Variants in PAK5 observed in about 807,000 individuals in gnomAD.
PAK5 encodes serine/threonine-protein kinase PAK 5.
Under a neutral mutation model 65.9 loss-of-function variants are expected in PAK5, and 16 were observed. The observed-to-expected ratio is 0.24, with a 90% confidence interval of 0.16 to 0.37. The LOEUF (loss-of-function observed/expected upper bound fraction) is 0.37, where lower values mean the gene tolerates loss of function less well. Among genes scored for constraint, PAK5 ranks in the 10% least tolerant of loss-of-function variants. The pLI, the probability that PAK5 is intolerant of heterozygous loss-of-function variation, is 1.00. For missense variants in PAK5, 785 were observed against 903.9 expected (o/e 0.87, Z 1.69); for synonymous variants, 371 against 354.9 (o/e 1.05, Z -0.51).
rs145638686 is a variant in PAK5 at position 9,593,220 on chromosome 20, C to G, written c.205-12290G>C. 1.8e-4 allele frequency among the ~76,000 whole-genome samples: 28 copies of G among 152,146 alleles called. 1 individual carries two copies. The East Asian group carries it at 5.4e-3, about 29-fold the overall frequency. On this transcript the variant is annotated intron_variant, in intron 3 of 9. Coordinates refer to ENST00000353224, the MANE Select transcript of PAK5 (RefSeq NM_177990.4). ...TCAAGAGGCTGAGGTCGGAGGATCC[C>G]TTGAGCCCAGGAGTTGGAGTTTGCA... is the stretch of plus-strand genomic sequence containing the variant.
At chr20:9,665,357 C>T (rs974922305) in intron 2 of PAK5, among the ~76,000 whole-genome samples, 16 of 152,102 alleles carry the variant, frequency 1.1e-4, no homozygotes, top group Non-Finnish European at 2.1e-4. Flanking sequence ...CCCACAAATC[C>T]ATTCCTCCTG....
chr20:9,631,835 A>T (rs757762777), intron 3 of PAK5, among the ~76,000 whole-genome samples: 3 of 152,218 alleles, frequency 2.0e-5, no homozygotes, highest in Admixed American at 6.5e-5. Flanking sequence ...ATCCAATCAG[A>T]TAGTGATGTG....
chr20:9,601,859 G>A (rs566217596), intron 3 of PAK5, among the ~76,000 whole-genome samples: 9 of 152,194 alleles, frequency 5.9e-5, no homozygotes, highest in East Asian at 3.9e-4. Context: ...CCTAAAACCC[G>A]CAGCCAACTC....
At chr20:9,724,466 T>G (rs2048253250) in intron 1 of PAK5, among the ~76,000 whole-genome samples, 3 of 152,182 alleles carry the variant, frequency 2.0e-5, no homozygotes, top group Admixed American at 1.3e-4. Context: ...TCGTGGACAT[T>G]ATGGGCTTGG....
chr20:9,618,348 A>G (rs2046699043), intron 3 of PAK5, among the ~76,000 whole-genome samples: 1 of 150,966 alleles, frequency 6.6e-6, no homozygotes, highest in African/African-American at 2.4e-5. Context: ...TCCCCTGCCC[A>G]GTGTTATTGC....
intron 1 of PAK5, among the ~76,000 whole-genome samples, chr20:9,788,521 C>A (rs2049016648): frequency 6.6e-6 from 1 of 152,042 alleles, no homozygotes; most frequent in Non-Finnish European, 1.5e-5. Flanking sequence ...AGTGTTAGAA[C>A]TGGAAGGTAA....
At chr20:9,638,602 A>G (rs1003515792) in intron 3 of PAK5, among the ~76,000 whole-genome samples, 4 of 152,206 alleles carry the variant, frequency 2.6e-5, no homozygotes, top group Non-Finnish European at 5.9e-5. Context: ...GCCCCATCCC[A>G]GTTCTACTGA....
At chr20:9,645,442 T>A (rs2047121312) in intron 2 of PAK5, among the ~76,000 whole-genome samples, 1 of 152,214 alleles carries the variant, frequency 6.6e-6, no homozygotes, top group African/African-American at 2.4e-5. Flanking sequence ...TACTCATCTG[T>A]GAATAGAACA....
chr20:9,639,385 C>T lies in PAK5; in HGVS notation c.204+4740G>A, dbSNP rs551635101. On this transcript the variant is annotated intron_variant, in intron 3 of 9. Coordinates refer to ENST00000353224, the MANE Select transcript of PAK5 (RefSeq NM_177990.4). ...CATATTTGGAGAAAGATAGGATTTG[C>T]TTTATGGGAGTTTAGTGTTAGTATG... is the stretch of plus-strand genomic sequence containing the variant. Among the ~76,000 whole-genome samples, 157 of 152,160 alleles carry T rather than the reference C, an allele frequency of 1.0e-3. 1 individual carries two copies. The highest frequency in any genetic ancestry group is 3.6e-3 in the African/African-American group (151 of 41,472).
intron 1 of PAK5, among the ~76,000 whole-genome samples, chr20:9,756,794 C>T (rs1158388937): frequency 6.6e-6 from 1 of 151,940 alleles, no homozygotes; most frequent in African/African-American, 2.4e-5. Context: ...GGCATGTCCT[C>T]TCTCTACACA....
chr20:9,746,978 C>T (rs532327436), intron 1 of PAK5, among the ~76,000 whole-genome samples: 6 of 151,788 alleles, frequency 4.0e-5, no homozygotes, highest in African/African-American at 7.3e-5. Flanking sequence ...ATCAAATAGA[C>T]GCAATAAAAA....
At chr20:9,655,214 C>T (rs140324233) in intron 2 of PAK5, among the ~76,000 whole-genome samples, 1 of 152,314 alleles carries the variant, frequency 6.6e-6, no homozygotes, top group African/African-American at 2.4e-5. Context: ...AATCCAAACC[C>T]CTTATCCCAG....
chr20:9,626,533 AAAAC>A (rs1389602498), intron 3 of PAK5, among the ~76,000 whole-genome samples: 4 of 152,242 alleles, frequency 2.6e-5, no homozygotes, highest in Admixed American at 2.6e-4. Flanking sequence ...GCCATGACCA[AAAAC>A]AAACAAACAA....
At chr20:9,777,747 G>A (rs2048901530) in intron 1 of PAK5, among the ~76,000 whole-genome samples, 2 of 152,172 alleles carry the variant, frequency 1.3e-5, no homozygotes, top group Admixed American at 1.3e-4. Context: ...AACTAGTGGG[G>A]AATCTAGCAT....
intron 3 of PAK5, among the ~76,000 whole-genome samples, chr20:9,618,951 A>ATTTTTTTTTTTTTTT (rs1180260866): frequency 3.5e-5 from 1 of 28,452 alleles, no homozygotes. Context: ...TTTTTTTTTA[A>ATTTTTTTTTTTTTTT]TCTCACTGTT....
Position 9,566,347 on chromosome 20 carries a change from G to A in PAK5, c.1028C>T (p.Pro343Leu), listed in dbSNP as rs2123002210. The A allele has an allele frequency of 6.2e-7, 1 of 1,612,982 alleles. No individual in the cohort carries two copies. Residue 343 changes from proline to leucine, a missense_variant, in exon 5 of 10, where the codon CCA becomes CTA. By Grantham distance (98) the Pro-to-Leu change is moderately conservative. Around this residue, in one of 4 missense-constraint regions of PAK5, gnomAD observed 422 missense variants for 413.3 expected, o/e 1.02. Coordinates refer to ENST00000353224, the MANE Select transcript of PAK5 (RefSeq NM_177990.4). ...YDRAQMVLSPPLSGSDTYPRG... is the reference protein window; with the variant it reads ...YDRAQMVLSPLLSGSDTYPRG... Reference sequence around the variant, plus strand: ...GGGGTAGGTGTCAGACCCTGACAGTGGAGGGCTGAGGACCATCTGTGCTCG... The same window carrying A: ...GGGGTAGGTGTCAGACCCTGACAGTAGAGGGCTGAGGACCATCTGTGCTCG...
intron 1 of PAK5, among the ~76,000 whole-genome samples, chr20:9,837,911 G>T (rs554792303): frequency 6.6e-6 from 1 of 152,086 alleles, no homozygotes; most frequent in Non-Finnish European, 1.5e-5. Context: ...AGCGTTTCAG[G>T]TTCCCTTAAT....
intron 3 of PAK5, among the ~76,000 whole-genome samples, chr20:9,641,685 T>G (rs372201870): frequency 3.8e-4 from 57 of 150,842 alleles, no homozygotes; most frequent in South Asian, 4.2e-4. Flanking sequence ...GCCCATGGAG[T>G]GGGTGGGAGG....
chr20:9,788,750 C>T (rs1893028016), intron 1 of PAK5, among the ~76,000 whole-genome samples: 1 of 152,132 alleles, frequency 6.6e-6, no homozygotes, highest in African/African-American at 2.4e-5. Flanking sequence ...TCCTATTCTT[C>T]TTGTCTTGGA....
Sources: gnomAD v4.1 joint callset for allele counts (sites outside exome capture counted in the v4.1 genomes callset) on GRCh38, gnomAD v4.1.1 for gene constraint, gnomAD v4.1.1 regional missense constraint, MANE v1.5 for transcripts, NCBI Gene and HGNC (gene_info 2026-07-23, HGNC 2026-07-21) for gene names.